SLIT3: variants seen among roughly 807,000 people sequenced by gnomAD.
SLIT3 encodes slit homolog 3 protein.
Under a neutral mutation model 184.0 loss-of-function variants are expected in SLIT3, and 68 were observed. The observed-to-expected ratio is 0.37, with a 90% CI of 0.30 to 0.45. SLIT3 has a LOEUF of 0.45. Among genes scored for constraint, SLIT3 ranks in the 20% least tolerant of loss-of-function variants. SLIT3 has a pLI of 1.00. For missense variants in SLIT3, 1,707 were observed against 2,026.0 expected (o/e 0.84, Z 3.02); for synonymous variants, 831 against 828.6 (o/e 1.00, Z -0.05).
In SLIT3 at chr5:168,753,068, C is replaced by G; in HGVS notation, c.1860G>C (p.Val620=). The stretch of plus-strand genomic sequence containing the variant: ...TCAGGCCGGCAAAGGTGTCATTACT[C>G]ACACAGCCGATCAAGTTACTCCTCA... ...LMLRSNLIGC[V]SNDTFAGLSS... Residue 620 remains valine, a synonymous_variant, in exon 18 of 36, where the codon GTG becomes GTC. Coordinates refer to ENST00000519560, the MANE Select transcript of SLIT3 (RefSeq NM_003062.4). The G allele has an allele frequency of 6.2e-7, 1 of 1,614,108 alleles. No homozygotes were observed. The highest frequency in any genetic ancestry group is 2.2e-5 in the East Asian group (1 of 44,876).
rs144297428 is a variant in SLIT3, at chr5:168,688,010, C to A, written c.3177-894G>T. Among the ~76,000 whole-genome samples the A allele has an allele frequency of 6.6e-3, 1,006 of 152,344 alleles. 7 individuals carry two copies. The highest frequency in any genetic ancestry group is 9.3e-3 in the Non-Finnish European group (633 of 68,032). On this transcript the variant is annotated intron_variant, in intron 29 of 35. Coordinates refer to ENST00000519560, the MANE Select transcript of SLIT3 (RefSeq NM_003062.4). Reference sequence around the variant, plus strand: ...TAAAACCTGGCCAGAGGAAGCTGCCCCAGCTAAAACCTGGCCTCCTTGAGT... The same window carrying A: ...TAAAACCTGGCCAGAGGAAGCTGCCACAGCTAAAACCTGGCCTCCTTGAGT...
chr5:169,208,315 T>C (rs1397352518), intron 3 of SLIT3, among the ~76,000 whole-genome samples: 2 of 152,224 alleles, frequency 1.3e-5, no homozygotes, highest in Admixed American at 1.3e-4. Flanking sequence ...TTGTATCCTT[T>C]CTTATTTCCT....
chr5:168,879,451 C>G lies in SLIT3; in HGVS notation c.485+3814G>C, dbSNP rs552924456. Reference sequence around the variant, plus strand: ...GAAATTTAATTTGTGCTAAATGTCTCTTATTTTCCATGTGCCGATGCATAT... The same window carrying G: ...GAAATTTAATTTGTGCTAAATGTCTGTTATTTTCCATGTGCCGATGCATAT... On this transcript the variant is annotated intron_variant, in intron 5 of 35. Transcript: ENST00000519560. Among the ~76,000 whole-genome samples, 3 of 152,320 alleles carry G rather than the reference C, an allele frequency of 2.0e-5. No homozygotes were observed. The East Asian group carries it at 5.8e-4, about 29-fold the overall frequency.
intron 4 of SLIT3, among the ~76,000 whole-genome samples, chr5:169,166,581 A>C (rs1762643366): frequency 6.6e-6 from 1 of 152,156 alleles, no homozygotes; most frequent in African/African-American, 2.4e-5. Context: ...GCACATAACA[A>C]AAGGGTGGGA....
Position 168,842,469 on chromosome 5 carries a change from G to GTT in SLIT3, c.557+2113_557+2114dup, listed in dbSNP as rs778998998. 9.4e-3 allele frequency among the ~76,000 whole-genome samples: 823 copies of GTT among 88,012 alleles called. 48 individuals carry two copies. Among genetic ancestry groups the GTT allele is most frequent in the African/African-American group, 0.035 (730 of 20,810 alleles). The allele number at this position is 88,012 out of a possible 152,430, so 57.7% of individuals were successfully genotyped here. A position where few individuals can be genotyped will look rare whatever the true frequency, so the allele number is the denominator to read the frequency against. On this transcript the variant is annotated intron_variant, in intron 6 of 35. Coordinates refer to ENST00000519560, the MANE Select transcript of SLIT3 (RefSeq NM_003062.4). Reference sequence around the variant, plus strand: ...TGGTGCATCTGGATACCGTTTTTTCGTTTTTTTTTTTTTTTTTTGTATCTG... The same window carrying GTT: ...TGGTGCATCTGGATACCGTTTTTTCGTTTTTTTTTTTTTTTTTTTTGTATCTG...
intron 4 of SLIT3, among the ~76,000 whole-genome samples, chr5:168,986,894 A>G (rs1755149963): frequency 6.6e-6 from 1 of 152,210 alleles, no homozygotes; most frequent in Non-Finnish European, 1.5e-5. Flanking sequence ...TACAAAGGCT[A>G]ATATTTAGCC....
In SLIT3 at chr5:168,663,524, C is replaced by T. The variant is rs978067528; in HGVS notation, c.*2930G>A. ...ATGCTGCCACAGCTCTCTTCCTAAA[C>T]CAGAGCTTGTCTTGCTCTTCCCTTC... On this transcript the variant is annotated 3_prime_UTR_variant, in exon 36 of 36. Coordinates refer to ENST00000519560, the MANE Select transcript of SLIT3 (RefSeq NM_003062.4). 1.3e-5 allele frequency: 2 copies of T among 152,342 alleles called. No homozygotes were observed. Among genetic ancestry groups the T allele is most frequent in the African/African-American group, 4.8e-5 (2 of 41,450 alleles). 9.4% of individuals were successfully genotyped at this position (152,342 alleles called of 1,614,324 possible).
chr5:168,870,835 C>T (rs967200596), intron 5 of SLIT3, among the ~76,000 whole-genome samples: 7 of 152,120 alleles, frequency 4.6e-5, no homozygotes, highest in Non-Finnish European at 5.9e-5. Flanking sequence ...CTTGAAGCAC[C>T]AGAGTTTCTC....
intron 1 of SLIT3, among the ~76,000 whole-genome samples, chr5:169,276,600 C>G (rs962016237): frequency 6.6e-6 from 1 of 152,214 alleles, no homozygotes; most frequent in African/African-American, 2.4e-5. Context: ...CATGTTACCT[C>G]CAGCTGACTC....
At chr5:169,288,439 G>T (rs139289173) in intron 1 of SLIT3, among the ~76,000 whole-genome samples, 5 of 152,230 alleles carry the variant, frequency 3.3e-5, no homozygotes, top group African/African-American at 1.2e-4. Context: ...GGATGAGGGG[G>T]CTTGCTTTCA....
intron 6 of SLIT3, among the ~76,000 whole-genome samples, chr5:168,824,689 T>C (rs111388089): frequency 3.3e-5 from 5 of 152,180 alleles, no homozygotes; most frequent in African/African-American, 1.2e-4. Context: ...ATACAGCCCT[T>C]GGTACAATTC....
At chr5:169,026,815 A>G (rs1756844838) in intron 4 of SLIT3, among the ~76,000 whole-genome samples, 1 of 151,980 alleles carries the variant, frequency 6.6e-6, no homozygotes. Context: ...ACCCACCCCA[A>G]AACTCTAGAG....
intron 4 of SLIT3, among the ~76,000 whole-genome samples, chr5:169,147,006 T>A (rs1002661584): frequency 6.6e-6 from 1 of 152,240 alleles, no homozygotes; most frequent in African/African-American, 2.4e-5. Flanking sequence ...TAGCCTAGTG[T>A]CTGGCTCATA....
intron 4 of SLIT3, among the ~76,000 whole-genome samples, chr5:168,888,552 C>T (rs4502847): frequency 0.34 from 51,523 of 151,996 alleles, 9,714 homozygotes; most frequent in East Asian, 0.6. Context: ...TCTCAAAAGA[C>T]GGCATATCTA....
intron 21 of SLIT3, 110 bp from the exon 22 acceptor site, chr5:168,723,114 C>T (rs1015568597): frequency 5.4e-6 from 4 of 737,114 alleles, no homozygotes; most frequent in Non-Finnish European, 9.9e-6. Context: ...TACCCATCCA[C>T]CCATCCACCC....
intron 4 of SLIT3, among the ~76,000 whole-genome samples, chr5:169,148,277 AC>A (rs1761997463): frequency 6.6e-6 from 1 of 152,174 alleles, no homozygotes; most frequent in African/African-American, 2.4e-5. Context: ...CCCGTATTTA[AC>A]CAATTTAACT....
chr5:169,247,355 G>A (rs1561765108), intron 2 of SLIT3, among the ~76,000 whole-genome samples: 1 of 152,184 alleles, frequency 6.6e-6, no homozygotes, highest in Admixed American at 6.5e-5. Context: ...ACTGACTGGA[G>A]GTTTGCTGAG....
chr5:168,894,849 A>T (rs1760607363), intron 4 of SLIT3, among the ~76,000 whole-genome samples: 1 of 152,212 alleles, frequency 6.6e-6, no homozygotes, highest in Non-Finnish European at 1.5e-5. Flanking sequence ...GATTAGGATA[A>T]TACAGATAAT....
At chr5:169,187,111 GT>G (rs761501769) in intron 4 of SLIT3, among the ~76,000 whole-genome samples, 1,791 of 94,314 alleles carry the variant, frequency 0.019, 12 homozygotes, top group South Asian at 0.066. Flanking sequence ...GCAGCTATAG[GT>G]TTTTTTTTTT....
Sources: gnomAD v4.1 joint callset for allele counts (sites outside exome capture counted in the v4.1 genomes callset) on GRCh38, gnomAD v4.1.1 for gene constraint, MANE v1.5 for transcripts, NCBI Gene and HGNC (gene_info 2026-07-23, HGNC 2026-07-21) for gene names.